Variants in TRIOBP observed in about 807,000 individuals in gnomAD.
TRIOBP encodes the protein TRIO and F-actin binding protein.
TRIOBP carries 169 observed loss-of-function variants against 238.8 expected under a neutral mutation model. The ratio of observed to expected loss-of-function variants is 0.71; its 90% CI spans 0.62 to 0.80. The LOEUF is 0.80. Among genes scored for constraint, TRIOBP ranks in the 30% least tolerant of loss-of-function variants. TRIOBP has a pLI of 0.00. For missense variants in TRIOBP, 2,838 were observed against 3,122.6 expected, an observed-to-expected ratio of 0.91 and a Z score of 2.17; for synonymous variants, 1,150 against 1,274.4, an observed-to-expected ratio of 0.90 and a Z score of 2.08.
chr22:37,734,414 G>A lies in TRIOBP; in HGVS notation c.4078G>A (p.Ala1360Thr). 1 of 1,613,078 alleles carries A rather than the reference G, an allele frequency of 6.2e-7. No homozygotes were observed. The highest frequency in any genetic ancestry group is 1.3e-5 in the African/African-American group (1 of 75,038). ...APSRQVTMLP[A>T]KQAELTRRSQ... ...TCATCCCCAGGTGACCATGCTCCCT[G>A]CCAAACAGGCAGAACTGACCCGGCG... Residue 1360 changes from alanine (A) to threonine (T), a missense_variant, in exon 9 of 24, where the codon GCC becomes ACC. By Grantham distance (58) the Ala-to-Thr change is moderately conservative (BLOSUM62 0). This residue lies in a region of TRIOBP where 2,096 missense variants were observed against 2,137.4 expected (regional missense o/e 0.98). Transcript: ENST00000644935.
intron 17 of TRIOBP, chr22:37,759,512 C>G: frequency 1.2e-6 from 2 of 1,608,544 alleles, no homozygotes; most frequent in Non-Finnish European, 1.7e-6. Flanking sequence ...CTGCAGGTCT[C>G]AAAGGTGGGA....
chr22:37,718,165 G>A (rs1923633446), intron 6 of TRIOBP, among the ~76,000 whole-genome samples: 1 of 152,218 alleles, frequency 6.6e-6, no homozygotes, highest in African/African-American at 2.4e-5. Context: ...CGCCCACCCG[G>A]AACTCCAGCT....
intron 5 of TRIOBP, among the ~76,000 whole-genome samples, chr22:37,714,623 AT>A (rs1287724639): frequency 3.3e-5 from 5 of 152,046 alleles, no homozygotes; most frequent in Admixed American, 6.6e-5. Flanking sequence ...AGATTGCACC[AT>A]TGCACTCCAG....
intron 3 of TRIOBP, among the ~76,000 whole-genome samples, chr22:37,709,830 C>T (rs962766576): frequency 1.3e-5 from 2 of 152,202 alleles, no homozygotes; most frequent in Non-Finnish European, 2.9e-5. Flanking sequence ...CTTGACCCTC[C>T]AGCCCTGGAT....
Position 37,723,194 on chromosome 22 carries a change from G to T in TRIOBP, c.638G>T (p.Gly213Val). Residue 213 changes from glycine (G) to valine (V), a missense_variant, in exon 7 of 24, where the codon GGT becomes GTT. Physicochemically the swap from Gly to Val is moderately radical, Grantham distance 109. Coordinates refer to ENST00000644935, the MANE Select transcript of TRIOBP (RefSeq NM_001039141.3). ...TCTCTTCTCTCTCCAGACACCGGCGGTGGGGGCCGGAGCGCAGGACAGCAC... is the reference window on the plus strand; with the variant it reads ...TCTCTTCTCTCTCCAGACACCGGCGTTGGGGGCCGGAGCGCAGGACAGCAC... The part of the protein sequence containing the change: ...AAGQKKEDTG[G>V]GGRSAGQHWA... 1 of 1,613,822 alleles carries T rather than the reference G, an allele frequency of 6.2e-7. No homozygotes were observed. The highest frequency in any genetic ancestry group is 2.2e-5 in the East Asian group (1 of 44,888).
At chr22:37,762,820 C>T (rs939104210) in intron 17 of TRIOBP, among the ~76,000 whole-genome samples, 5 of 152,116 alleles carry the variant, frequency 3.3e-5, no homozygotes, top group South Asian at 4.1e-4. Flanking sequence ...GCTGGTATCT[C>T]GGGCTGAGTG....
intron 6 of TRIOBP, among the ~76,000 whole-genome samples, chr22:37,722,427 CAAAA>C (rs35646436): frequency 3.2e-5 from 3 of 94,368 alleles, no homozygotes; most frequent in African/African-American, 9.2e-5. Context: ...GACTCTGTCT[CAAAA>C]AAAAAAAAAA....
At chr22:37,770,631 C>T (rs1926727701) in intron 21 of TRIOBP, among the ~76,000 whole-genome samples, 1 of 152,080 alleles carries the variant, frequency 6.6e-6, no homozygotes, top group South Asian at 2.1e-4. Flanking sequence ...CCCACTTCGG[C>T]CTCTCAAAGT....
intron 4 of TRIOBP, among the ~76,000 whole-genome samples, chr22:37,712,630 C>T (rs1411669978): frequency 1.3e-5 from 2 of 151,764 alleles, no homozygotes; most frequent in South Asian, 2.1e-4. Flanking sequence ...CCACTGCGCC[C>T]GGCCTAAAAT....
At chr22:37,703,294 G>A (rs959770731) in intron 3 of TRIOBP, among the ~76,000 whole-genome samples, 20 of 150,684 alleles carry the variant, frequency 1.3e-4, no homozygotes, top group Non-Finnish European at 1.8e-4. Context: ...GCGCCTGGCC[G>A]AGATTTTCTT....
intron 9 of TRIOBP, among the ~76,000 whole-genome samples, chr22:37,736,889 A>T (rs1924699508): frequency 6.6e-6 from 1 of 152,016 alleles, no homozygotes; most frequent in Admixed American, 6.6e-5. Flanking sequence ...GGCCTCCCAA[A>T]GTGCCGGGAT....
At chr22:37,721,365 A>G (rs1923820438) in intron 6 of TRIOBP, among the ~76,000 whole-genome samples, 1 of 152,194 alleles carries the variant, frequency 6.6e-6, no homozygotes, top group Non-Finnish European at 1.5e-5. Context: ...GACTTTCACC[A>G]ACACCAGCCC....
intron 14 of TRIOBP, 94 bp from the exon 15 acceptor site, chr22:37,755,456 C>G (rs1925868077): frequency 2.5e-6 from 3 of 1,191,486 alleles, no homozygotes; most frequent in Admixed American, 3.8e-5. Context: ...TAGATGCATC[C>G]TGGGAAGGAA....
chr22:37,699,803 A>G (rs1472139580), intron 2 of TRIOBP, among the ~76,000 whole-genome samples: 1 of 151,874 alleles, frequency 6.6e-6, no homozygotes, highest in Non-Finnish European at 1.5e-5. Flanking sequence ...GGCCTCCCAA[A>G]GTGCTGGGAT....
chr22:37,734,337 G>T, intron 8 of TRIOBP, 62 bp from the exon 9 acceptor site: 1 of 1,482,154 alleles, frequency 6.7e-7, no homozygotes, highest in Non-Finnish European at 9.4e-7. Context: ...CCTAAGAAAG[G>T]CAGAGCTGGC....
intron 18 of TRIOBP, among the ~76,000 whole-genome samples, chr22:37,767,709 AGG>A (rs1014212157): frequency 6.6e-6 from 1 of 152,070 alleles, no homozygotes; most frequent in East Asian, 1.9e-4. Flanking sequence ...CAGAGTCTGC[AGG>A]GGGGGTGTAC....
intron 4 of TRIOBP, among the ~76,000 whole-genome samples, chr22:37,712,957 AAAATAAATAAATAAAT>A (rs368169188): frequency 1.1e-4 from 15 of 138,410 alleles, no homozygotes; most frequent in South Asian, 4.6e-4. Flanking sequence ...ACTCTGTCTC[AAAATAAATAAATAAAT>A]AAATAAATAA....
At chr22:37,704,425 AACAGAACAGAACAGT>A (rs1922824004) in intron 3 of TRIOBP, among the ~76,000 whole-genome samples, 3 of 41,006 alleles carry the variant, frequency 7.3e-5, no homozygotes, top group African/African-American at 1.4e-4. Context: ...AACAGAACAG[AACAGAACAGAACAGT>A]ACAGAAAACA....
chr22:37,744,039 T>C (rs1397148191), intron 11 of TRIOBP, among the ~76,000 whole-genome samples: 2 of 148,806 alleles, frequency 1.3e-5, no homozygotes, highest in Admixed American at 6.7e-5. Context: ...AGTCTCGCTC[T>C]GTTGCCTAGG....
Sources: gnomAD v4.1 joint callset for allele counts (sites outside exome capture counted in the v4.1 genomes callset) on GRCh38, gnomAD v4.1.1 for gene constraint, gnomAD v4.1.1 regional missense constraint, MANE v1.5 for transcripts, NCBI Gene and HGNC (gene_info 2026-07-23, HGNC 2026-07-21) for gene names.